The following CHD2 variants were observed in gnomAD, a reference collection of about 807,000 sequenced individuals.
The protein encoded by CHD2 is ATP-dependent chromatin remodeler CHD2.
A neutral mutation model predicts 243.9 loss-of-function variants in CHD2; 28 were observed. The ratio of observed to expected loss-of-function variants is 0.11; its 90% CI spans 0.09 to 0.16. The LOEUF is 0.16. CHD2 is among the 10% of genes least tolerant of loss of function. The pLI, the probability that CHD2 is intolerant of heterozygous loss-of-function variation, is 1.00. For missense variants in CHD2, 1,386 were observed against 2,209.8 expected (o/e 0.63, Z 7.47); for synonymous variants, 775 against 779.0 (o/e 0.99, Z 0.09).
Position 92,927,258 on chromosome 15 carries a change from T to C in CHD2, c.309T>C (p.Tyr103=). The C allele has an allele frequency of 6.2e-7, 1 of 1,612,942 alleles. No homozygotes were observed. Among genetic ancestry groups the C allele is most frequent in the Non-Finnish European group, 8.5e-7 (1 of 1,179,020 alleles). The part of the protein sequence containing the change: ...IADVKKMWEE[Y]PDVYGVRRSN... Reference sequence around the variant, plus strand: ...TAATTTTACAGATGTGGGAAGAATATCCTGATGTTTATGGGGTCAGGCGGT... The same window carrying C: ...TAATTTTACAGATGTGGGAAGAATACCCTGATGTTTATGGGGTCAGGCGGT... Residue 103 remains tyrosine (Y), a synonymous_variant, in exon 4 of 39, where the codon TAT becomes TAC. Transcript: ENST00000394196.
chr15:92,900,818 G>C lies in CHD2; in HGVS notation c.-78G>C. On this transcript the variant is annotated 5_prime_UTR_variant, in exon 1 of 39. The change abolishes an upstream ATG in the 5' untranslated region. Coordinates refer to ENST00000394196, the MANE Select transcript of CHD2 (RefSeq NM_001271.4). ...GACTCTTGGTTTGGACATACTACATGGATCAGGTAAGTTCACGATCATTGG... is the reference window on the plus strand; with the variant it reads ...GACTCTTGGTTTGGACATACTACATCGATCAGGTAAGTTCACGATCATTGG... 1 of 399,142 alleles carries C rather than the reference G, an allele frequency of 2.5e-6. No homozygotes were observed. Among genetic ancestry groups the C allele is most frequent in the Non-Finnish European group, 4.4e-6 (1 of 227,076 alleles). The allele number at this position is 399,142 out of a possible 1,614,324, so 24.7% of individuals were successfully genotyped here.
rs779225137 is a variant in CHD2 at position 93,000,479 on chromosome 15, G to T, written c.4009-33G>T. Reference sequence around the variant, plus strand: ...GTTATGCTTTTGAGTGTCTTGATTTGTATTTTAATCATCATTTTCTCTCCT... The same window carrying T: ...GTTATGCTTTTGAGTGTCTTGATTTTTATTTTAATCATCATTTTCTCTCCT... On this transcript the variant is annotated intron_variant, in intron 31 of 38. Transcript: ENST00000394196. 5 of 1,589,338 alleles carry T rather than the reference G, an allele frequency of 3.1e-6. No homozygotes were observed. The Admixed American group carries it at 9.0e-5, about 29-fold the overall frequency.
intron 2 of CHD2, among the ~76,000 whole-genome samples, chr15:92,914,662 T>C (rs954466534): frequency 2.6e-5 from 4 of 152,270 alleles, no homozygotes; most frequent in Non-Finnish European, 5.9e-5. Flanking sequence ...CTTGAAATTA[T>C]AAGCAGCATT....
chr15:92,901,150 C>G lies in CHD2; in HGVS notation c.-71-17C>G. ...CGATAGAAGCCGGGACCTTACCTTT[C>G]TTTCAACTTTTGACAGTAAATACCT... On this transcript the variant is annotated splice_polypyrimidine_tract_variant and intron_variant, in intron 1 of 38. Transcript: ENST00000394196. The G allele has an allele frequency of 1.3e-6, 1 of 774,672 alleles. No individual in the cohort carries two copies. 48.0% of individuals were successfully genotyped at this position (774,672 alleles called of 1,614,324 possible). A position where few individuals can be genotyped will look rare whatever the true frequency, so the allele number is the denominator to read the frequency against.
At chr15:92,972,138 G>A (rs2053849627) in intron 18 of CHD2, 127 bp from the exon 19 acceptor site, 3 of 1,088,398 alleles carry the variant, frequency 2.8e-6, no homozygotes, top group Admixed American at 5.6e-5. Context: ...GGGAATTGCT[G>A]GTCAAGCAGG....
chr15:92,996,229 G>A (rs1487963765), intron 28 of CHD2, among the ~76,000 whole-genome samples: 2 of 146,678 alleles, frequency 1.4e-5, no homozygotes, highest in East Asian at 2.0e-4. Context: ...GTGTGATCTC[G>A]GCTCACTGCA....
rs372017779 is a variant in CHD2 at position 92,992,812 on chromosome 15, G to T, written c.3456-47G>T. 16 of 1,601,612 alleles carry T rather than the reference G, an allele frequency of 1.0e-5. No individual in the cohort carries two copies. In the African/African-American group the frequency reaches 1.5e-4, roughly 15 times the overall value. On this transcript the variant is annotated intron_variant, in intron 27 of 38. Transcript: ENST00000394196. ...AGTGGCATCTCATGACACTTAAGAA[G>T]AGTGGGCACAGGGTCCTAAAGTGTC...
chr15:92,932,771 T>A (rs1207837192), intron 5 of CHD2, among the ~76,000 whole-genome samples: 1 of 152,092 alleles, frequency 6.6e-6, no homozygotes, highest in Non-Finnish European at 1.5e-5. Flanking sequence ...AGGTTTTTAT[T>A]TTTTGGGATG....
At chr15:92,948,805 C>T (rs539227416) in intron 12 of CHD2, 147 bp from the exon 13 acceptor site, 5 of 837,294 alleles carry the variant, frequency 6.0e-6, no homozygotes, top group South Asian at 1.9e-5. Flanking sequence ...GGCCACTGCA[C>T]TCCAGCCTGG....
chr15:92,988,861 A>G (rs1473944526), intron 26 of CHD2, among the ~76,000 whole-genome samples: 1 of 150,950 alleles, frequency 6.6e-6, no homozygotes, highest in Non-Finnish European at 1.5e-5. Context: ...TATTGATATC[A>G]TTTTCGACCT....
chr15:92,938,997 T>A (rs780222117), intron 6 of CHD2, among the ~76,000 whole-genome samples: 1 of 152,222 alleles, frequency 6.6e-6, no homozygotes, highest in African/African-American at 2.4e-5. Flanking sequence ...CTGCTTGTTC[T>A]GTAGGTTTCT....
chr15:92,966,050 CT>C (rs1346293468), intron 16 of CHD2, among the ~76,000 whole-genome samples: 1 of 148,870 alleles, frequency 6.7e-6, no homozygotes, highest in Non-Finnish European at 1.5e-5. Flanking sequence ...AGTTTTCTTT[CT>C]TTCTTTTTTC....
chr15:92,904,824 A>G (rs1485603193), intron 2 of CHD2: 3 of 1,503,440 alleles, frequency 2.0e-6, no homozygotes, highest in Middle Eastern at 1.7e-4. Flanking sequence ...TTTTGTTACA[A>G]TTGACCAAAA....
At chr15:92,980,279 T>C (rs1374748237) in intron 22 of CHD2, among the ~76,000 whole-genome samples, 1 of 149,380 alleles carries the variant, frequency 6.7e-6, no homozygotes, top group Non-Finnish European at 1.5e-5. Flanking sequence ...CAGACTGGTC[T>C]CAAACTCCTG....
rs972263908 is a variant in CHD2 at position 92,985,659 on chromosome 15, T to C, written c.3399T>C (p.Asp1133=). 2 of 1,611,688 alleles carry C rather than the reference T, an allele frequency of 1.2e-6. No individual in the cohort carries two copies. The highest frequency in any genetic ancestry group is 2.7e-5 in the African/African-American group (2 of 74,918). The part of the protein sequence containing the change: ...VRKDLVEGFT[D]AEIRRFIKAY... ...AGGACCTCGTGGAGGGATTTACTGA[T>C]GCAGAGATCCGAAGGTTGGTGGAGG... The change falls in exon 26 of 39, where the codon GAT becomes GAC. Residue 1133 remains aspartate (D), a synonymous_variant. Coordinates refer to ENST00000394196, the MANE Select transcript of CHD2 (RefSeq NM_001271.4).
chr15:93,001,845 AC>A (rs2054261022), intron 32 of CHD2, among the ~76,000 whole-genome samples: 1 of 152,194 alleles, frequency 6.6e-6, no homozygotes, highest in Non-Finnish European at 1.5e-5. Context: ...AATACTAGCA[AC>A]CTAATCAGTT....
At position 92,927,318 on chromosome 15, in the gene CHD2, T is replaced by C. The variant is rs1596381972; in HGVS notation, c.369T>C (p.Asn123=). 1.2e-6 allele frequency: 2 copies of C among 1,613,406 alleles called. No individual in the cohort carries two copies. The highest frequency in any genetic ancestry group is 2.2e-5 in the East Asian group (1 of 44,856). ...NRSRQEPSRF[N]IKEEASSGSE... ...GCAGACAAGAACCATCGCGATTTAA[T>C]ATTAAGGAAGAGGTAAGGAAAAAAT... Residue 123 remains asparagine, a synonymous_variant, in exon 4 of 39, where the codon AAT becomes AAC. Transcript: ENST00000394196.
chr15:92,986,907 T>A (rs1021817562), intron 26 of CHD2, among the ~76,000 whole-genome samples: 4 of 150,874 alleles, frequency 2.7e-5, no homozygotes, highest in South Asian at 2.1e-4. Flanking sequence ...AATTAAAAAT[T>A]TTTTTTTTTG....
At chr15:93,003,411 A>G (rs1460043119) in intron 33 of CHD2, among the ~76,000 whole-genome samples, 2 of 152,172 alleles carry the variant, frequency 1.3e-5, no homozygotes, top group East Asian at 3.8e-4. Context: ...AATAGACCAT[A>G]CTGTGATAAA....
Sources: gnomAD v4.1 joint callset for allele counts (sites outside exome capture counted in the v4.1 genomes callset) on GRCh38, gnomAD v4.1.1 for gene constraint, MANE v1.5 for transcripts, NCBI Gene and HGNC (gene_info 2026-07-23, HGNC 2026-07-21) for gene names.